ZRANB3: variants seen among roughly 807,000 people sequenced by gnomAD.
ZRANB3 encodes the protein zinc finger RANBP2-type containing 3, also known as DNA annealing helicase and endonuclease ZRANB3.
ZRANB3 carries 125 observed loss-of-function variants against 133.8 expected under a neutral mutation model. That is an observed-to-expected ratio of 0.93 (90% CI 0.81 to 1.08). ZRANB3 has a LOEUF of 1.08. Among genes scored for constraint, ZRANB3 ranks in the 50% least tolerant of loss-of-function variants. ZRANB3 has a pLI of 0.00. For synonymous variants in ZRANB3, 387 were observed against 432.7 expected, an observed-to-expected ratio of 0.89 and a Z score of 1.31; for missense variants, 1,229 against 1,275.5, an observed-to-expected ratio of 0.96 and a Z score of 0.56.
chr2:135,372,511 G>A (rs1483927587), intron 3 of ZRANB3, among the ~76,000 whole-genome samples: 1 of 151,978 alleles, frequency 6.6e-6, no homozygotes, highest in Non-Finnish European at 1.5e-5. Context: ...AAAAGGCCAG[G>A]TGCTGGCCAG....
At chr2:135,324,789 T>C (rs1018618492) in intron 6 of ZRANB3, among the ~76,000 whole-genome samples, 5 of 152,184 alleles carry the variant, frequency 3.3e-5, no homozygotes, top group African/African-American at 7.2e-5. Context: ...TGGTGTGAGA[T>C]GGTATCTCAT....
chr2:135,256,723 G>A (rs191406231), intron 12 of ZRANB3, among the ~76,000 whole-genome samples: 4 of 152,318 alleles, frequency 2.6e-5, no homozygotes, highest in Non-Finnish European at 5.9e-5. Context: ...AGGGTAAAAT[G>A]AGGCCAAGAC....
chr2:135,385,657 G>A (rs527703264), intron 3 of ZRANB3, among the ~76,000 whole-genome samples: 10 of 152,102 alleles, frequency 6.6e-5, no homozygotes, highest in Admixed American at 2.0e-4. Flanking sequence ...GCAATAGATC[G>A]GGAACAGAGG....
intron 2 of ZRANB3, among the ~76,000 whole-genome samples, chr2:135,447,763 T>C (rs1303230698): frequency 3.3e-5 from 5 of 152,306 alleles, no homozygotes; most frequent in African/African-American, 9.6e-5. Flanking sequence ...CTTCAGTAAA[T>C]TTGCTGAACC....
chr2:135,320,993 T>C (rs1683498438), intron 6 of ZRANB3, among the ~76,000 whole-genome samples: 1 of 152,268 alleles, frequency 6.6e-6, no homozygotes, highest in African/African-American at 2.4e-5. Context: ...TTGCTTTTTA[T>C]TGTCAAGTAA....
intron 7 of ZRANB3, among the ~76,000 whole-genome samples, chr2:135,313,839 C>T (rs1336865746): frequency 1.3e-5 from 2 of 152,150 alleles, no homozygotes; most frequent in Non-Finnish European, 2.9e-5. Flanking sequence ...AAGCCCTTTG[C>T]TAACAGCATA....
At chr2:135,466,534 GT>G (rs1691009550) in intron 2 of ZRANB3, among the ~76,000 whole-genome samples, 1 of 152,038 alleles carries the variant, frequency 6.6e-6, no homozygotes. Flanking sequence ...AAAACCTGTG[GT>G]TTGAGTTCTG....
At chr2:135,511,962 C>G (rs916244040) in intron 1 of ZRANB3, 1 of 730,048 alleles carries the variant, frequency 1.4e-6, no homozygotes. Context: ...TCAATTCAAA[C>G]TGAGGGGAAA....
chr2:135,500,239 A>C (rs2104817645), intron 2 of ZRANB3, among the ~76,000 whole-genome samples: 1 of 152,320 alleles, frequency 6.6e-6, no homozygotes, highest in Admixed American at 6.5e-5. Flanking sequence ...ACTAAAGTGG[A>C]AAACATGCAC....
intron 1 of ZRANB3, among the ~76,000 whole-genome samples, chr2:135,526,157 A>ATTTTTTTTTTTTTTTTTTTTTTTT (rs993714638): frequency 9.3e-6 from 1 of 108,078 alleles, no homozygotes; most frequent in African/African-American, 3.8e-5. Flanking sequence ...CTAAGCTATG[A>ATTTTTTTTTTTTTTTTTTTTTTTT]TTTTTTTTTT....
intron 2 of ZRANB3, among the ~76,000 whole-genome samples, chr2:135,467,123 GATGGCTTA>G (rs1413691345): frequency 2.0e-5 from 3 of 152,080 alleles, no homozygotes; most frequent in Admixed American, 2.0e-4. Context: ...TTCCTCTTCC[GATGGCTTA>G]ATGTGTATTT....
chr2:135,305,283 T>C (rs147423899), intron 8 of ZRANB3, among the ~76,000 whole-genome samples: 107 of 152,352 alleles, frequency 7.0e-4, no homozygotes, highest in African/African-American at 2.5e-3. Flanking sequence ...GACATAAGGT[T>C]TGCTTTTTCT....
chr2:135,262,652 A>G (rs1413610974), intron 12 of ZRANB3, among the ~76,000 whole-genome samples: 1 of 152,044 alleles, frequency 6.6e-6, no homozygotes, highest in African/African-American at 2.4e-5. Flanking sequence ...ATGGTAGCAC[A>G]TGCCTGTGGT....
At chr2:135,241,847 G>C (rs1180574267) in intron 12 of ZRANB3, among the ~76,000 whole-genome samples, 1 of 152,130 alleles carries the variant, frequency 6.6e-6, no homozygotes, top group Non-Finnish European at 1.5e-5. Flanking sequence ...AGTGGTACTG[G>C]AGTAGAGGAT....
intron 8 of ZRANB3, among the ~76,000 whole-genome samples, chr2:135,283,702 T>C (rs113644897): frequency 3.2e-4 from 49 of 152,050 alleles, no homozygotes; most frequent in African/African-American, 1.1e-3. Context: ...AATAAGATAA[T>C]CAACTTTGTC....
chr2:135,244,545 T>C (rs559499977), intron 12 of ZRANB3, among the ~76,000 whole-genome samples: 3 of 151,854 alleles, frequency 2.0e-5, no homozygotes, highest in South Asian at 2.1e-4. Context: ...GAAGTGGAGG[T>C]TGCAGTGAGC....
chr2:135,346,971 T>C (rs1684964163), intron 5 of ZRANB3, among the ~76,000 whole-genome samples: 1 of 152,204 alleles, frequency 6.6e-6, no homozygotes, highest in African/African-American at 2.4e-5. Flanking sequence ...TCCTGCCAAC[T>C]ACTAACCCAC....
At chr2:135,457,911 T>C (rs1047143224) in intron 2 of ZRANB3, among the ~76,000 whole-genome samples, 1 of 152,150 alleles carries the variant, frequency 6.6e-6, no homozygotes, top group Admixed American at 6.5e-5. Context: ...AGTTTCTTAA[T>C]TTAATGAAAT....
chr2:135,326,095 T>C (rs182774097), intron 6 of ZRANB3, among the ~76,000 whole-genome samples: 7 of 152,298 alleles, frequency 4.6e-5, no homozygotes, highest in Admixed American at 6.5e-5. Context: ...TACTGATCTA[T>C]ACAAACTACA....
Sources: allele counts gnomAD v4.1 joint callset (sites outside exome capture counted in the v4.1 genomes callset), GRCh38; gene constraint gnomAD v4.1.1; transcripts MANE v1.5; gene names NCBI Gene and HGNC (gene_info 2026-07-23, HGNC 2026-07-21).